PHF2: variants seen among roughly 807,000 people sequenced by gnomAD.
PHF2 encodes the protein PHD finger protein 2.
A neutral mutation model predicts 120.5 loss-of-function variants in PHF2; 27 were observed. The ratio of observed to expected loss-of-function variants is 0.22; its 90% CI spans 0.17 to 0.31. The LOEUF is 0.31. PHF2 is among the 10% of genes least tolerant of loss of function. PHF2 has a pLI of 1.00. For synonymous variants in PHF2, 568 were observed against 592.5 expected (o/e 0.96, Z 0.60); for missense variants, 1,024 against 1,434.8 (o/e 0.71, Z 4.63).
At chr9:93,653,503 G>T in intron 6 of PHF2, 138 bp downstream of exon 6, 1 of 795,338 alleles carries the variant, frequency 1.3e-6, no homozygotes. Flanking sequence ...CCCTGGGACA[G>T]GAGGCCTCTG....
At chr9:93,614,405 G>T (rs1303715386) in intron 1 of PHF2, among the ~76,000 whole-genome samples, 1 of 152,130 alleles carries the variant, frequency 6.6e-6, no homozygotes, top group East Asian at 1.9e-4. Flanking sequence ...TGTGGCTTCT[G>T]TTCCCAGCTA....
chr9:93,602,244 A>ATTTTT (rs760745703), intron 1 of PHF2, among the ~76,000 whole-genome samples: 3 of 79,662 alleles, frequency 3.8e-5, no homozygotes, highest in Admixed American at 2.9e-4. Context: ...ATTCCTAGAG[A>ATTTTT]TTCTTTTTTT....
chr9:93,666,488 G>T (rs1176465934), intron 16 of PHF2, among the ~76,000 whole-genome samples: 3 of 152,240 alleles, frequency 2.0e-5, no homozygotes, highest in Non-Finnish European at 4.4e-5. Flanking sequence ...TGCACAGTGT[G>T]AAGACAGTTT....
chr9:93,588,564 C>T (rs1863105901), intron 1 of PHF2, among the ~76,000 whole-genome samples: 1 of 152,180 alleles, frequency 6.6e-6, no homozygotes, highest in Non-Finnish European at 1.5e-5. Context: ...CTGCCCTCCC[C>T]ACTCCCCTGC....
chr9:93,675,837 C>G lies in PHF2; in HGVS notation c.2832+48C>G, dbSNP rs777837808. Reference sequence around the variant, plus strand: ...CACGGCAGCCAGGTCCCTGCTACCCCCACCTGGTGGGCTCAGGTTCCCCAA... The same window carrying G: ...CACGGCAGCCAGGTCCCTGCTACCCGCACCTGGTGGGCTCAGGTTCCCCAA... On this transcript the variant is annotated intron_variant, in intron 20 of 21. Coordinates refer to ENST00000359246, the MANE Select transcript of PHF2 (RefSeq NM_005392.4). 4 of 1,448,128 alleles carry G rather than the reference C, an allele frequency of 2.8e-6. No homozygotes were observed. In the South Asian group the frequency reaches 3.4e-5, roughly 12 times the overall value. 89.7% of individuals were successfully genotyped at this position (1,448,128 alleles called of 1,614,324 possible).
chr9:93,661,990 T>A (rs972190759), intron 12 of PHF2, among the ~76,000 whole-genome samples: 2 of 150,980 alleles, frequency 1.3e-5, no homozygotes, highest in Non-Finnish European at 2.9e-5. Flanking sequence ...AACAAATGGA[T>A]GGGTGGATAA....
chr9:93,635,868 C>T (rs1468372083), intron 2 of PHF2, among the ~76,000 whole-genome samples: 1 of 152,004 alleles, frequency 6.6e-6, no homozygotes, highest in Non-Finnish European at 1.5e-5. Flanking sequence ...TGGCGGTGGT[C>T]AGGGGAGGGC....
intron 1 of PHF2, among the ~76,000 whole-genome samples, chr9:93,618,795 T>TGC (rs1825770012): frequency 3.6e-5 from 2 of 55,954 alleles, no homozygotes; most frequent in East Asian, 5.3e-4. Context: ...TGTATCTGTG[T>TGC]ATTTCTGTGT....
chr9:93,594,195 C>T (rs866050943), intron 1 of PHF2, among the ~76,000 whole-genome samples: 10 of 147,122 alleles, frequency 6.8e-5, no homozygotes, highest in African/African-American at 2.1e-4. Flanking sequence ...GACCCCCCCC[C>T]CCTCCATTAA....
rs1387882629 is a variant in PHF2, at chr9:93,677,404, G to C, written c.3203-184G>C. Among the ~76,000 whole-genome samples, 1 of 151,896 alleles carries C rather than the reference G, an allele frequency of 6.6e-6. No homozygotes were observed. Among genetic ancestry groups the C allele is most frequent in the Non-Finnish European group, 1.5e-5 (1 of 68,002 alleles). The stretch of plus-strand genomic sequence containing the variant: ...ACACGGCCTCTGAGGCGGAGGCTTT[G>C]CCAGTGATCCCAGACTCCTGAAGGG... On this transcript the variant is annotated intron_variant, in intron 21 of 21. Transcript: ENST00000359246. This position sits in a 1 kb window ranked among gnomAD's most constrained non-coding sequence, Gnocchi z 4.4.
chr9:93,647,453 T>C (rs1826281562), intron 4 of PHF2, among the ~76,000 whole-genome samples: 2 of 151,738 alleles, frequency 1.3e-5, no homozygotes, highest in Non-Finnish European at 1.5e-5. Flanking sequence ...TTCCTCTTAA[T>C]TTTTTTTTAT....
At chr9:93,675,628 G>T (rs1269509098) in intron 19 of PHF2, 52 bp from the exon 20 acceptor site, 1 of 1,430,874 alleles carries the variant, frequency 7.0e-7, no homozygotes, top group Non-Finnish European at 9.8e-7. Flanking sequence ...ACCAGGAGGG[G>T]TGGACAGGCT....
intron 1 of PHF2, among the ~76,000 whole-genome samples, chr9:93,600,229 G>A (rs1470048823): frequency 6.6e-6 from 1 of 151,982 alleles, no homozygotes; most frequent in Non-Finnish European, 1.5e-5. Context: ...GTGGTGCATG[G>A]GGGGTGTGTG....
chr9:93,578,496 A>G (rs1256506832), intron 1 of PHF2, among the ~76,000 whole-genome samples: 1 of 152,126 alleles, frequency 6.6e-6, no homozygotes, highest in Non-Finnish European at 1.5e-5. Context: ...CTTCTCCCCC[A>G]TCTCCACCGG....
intron 1 of PHF2, among the ~76,000 whole-genome samples, chr9:93,578,503 C>G (rs1394798076): frequency 6.6e-6 from 1 of 152,220 alleles, no homozygotes; most frequent in Non-Finnish European, 1.5e-5. Context: ...CCCATCTCCA[C>G]CGGAGCCCTG....
At chr9:93,588,186 C>T (rs1863094789) in intron 1 of PHF2, among the ~76,000 whole-genome samples, 2 of 152,210 alleles carry the variant, frequency 1.3e-5, no homozygotes, top group African/African-American at 4.8e-5. Context: ...TGACCAGATG[C>T]TCTGGGGGCA....
At chr9:93,657,283 C>T (rs1467822993) in intron 9 of PHF2, among the ~76,000 whole-genome samples, 3 of 152,212 alleles carry the variant, frequency 2.0e-5, no homozygotes, top group African/African-American at 7.2e-5. Flanking sequence ...CTCTTTTATG[C>T]AGACCCTTTG....
intron 1 of PHF2, among the ~76,000 whole-genome samples, chr9:93,589,939 C>T (rs1291505047): frequency 6.6e-6 from 1 of 152,224 alleles, no homozygotes; most frequent in Non-Finnish European, 1.5e-5. Flanking sequence ...AAACATGCTC[C>T]TCCTGCACTT....
intron 1 of PHF2, among the ~76,000 whole-genome samples, chr9:93,627,058 T>C (rs1450606229): frequency 6.6e-6 from 1 of 152,242 alleles, no homozygotes; most frequent in Non-Finnish European, 1.5e-5. Flanking sequence ...GGGATTTTGA[T>C]AGGGATTGCA....
Sources: allele counts gnomAD v4.1 joint callset (sites outside exome capture counted in the v4.1 genomes callset), GRCh38; gene constraint gnomAD v4.1.1; non-coding constraint Gnocchi (gnomAD v3.1); transcripts MANE v1.5; gene names NCBI Gene and HGNC (gene_info 2026-07-23, HGNC 2026-07-21).